PAPPA: variants seen among roughly 807,000 people sequenced by gnomAD.
The protein encoded by PAPPA is pappalysin-1.
A neutral mutation model predicts 164.0 loss-of-function variants in PAPPA; 60 were observed. The observed-to-expected ratio is 0.37, with a 90% confidence interval of 0.30 to 0.45. PAPPA has a LOEUF of 0.45. Among genes scored for constraint, PAPPA ranks in the 20% least tolerant of loss-of-function variants. The pLI, the probability that PAPPA is intolerant of heterozygous loss-of-function variation, is 1.00. For missense variants in PAPPA, 1,782 were observed against 2,087.3 expected, an observed-to-expected ratio of 0.85 and a Z score of 2.85; for synonymous variants, 875 against 814.1, an observed-to-expected ratio of 1.07 and a Z score of -1.27.
At chr9:116,234,642 G>A (rs1408066770) in intron 6 of PAPPA, among the ~76,000 whole-genome samples, 1 of 152,148 alleles carries the variant, frequency 6.6e-6, no homozygotes, top group Non-Finnish European at 1.5e-5. Context: ...GAACAGCAAA[G>A]AATACAGATT....
Position 116,377,078 on chromosome 9 carries a change from G to A in PAPPA, c.4606-498G>A, listed in dbSNP as rs547444848. ...TGCCGTTAATTAAACACACTCCCAC[G>A]GCAATGCTGATGAAAGTGGTCTTCA... On this transcript the variant is annotated intron_variant, in intron 19 of 21. Coordinates refer to ENST00000328252, the MANE Select transcript of PAPPA (RefSeq NM_002581.5). Among the ~76,000 whole-genome samples the A allele has an allele frequency of 1.7e-4, 26 of 152,126 alleles. 1 individual carries two copies. The highest frequency in any genetic ancestry group is 6.8e-3 in the Middle Eastern group (2 of 294).
chr9:116,231,327 T>C (rs973717518), intron 6 of PAPPA, among the ~76,000 whole-genome samples: 7 of 152,060 alleles, frequency 4.6e-5, no homozygotes, highest in African/African-American at 1.4e-4. Flanking sequence ...CCTTCCACCT[T>C]TCCTCCTCCC....
chr9:116,230,102 C>T (rs756624), intron 6 of PAPPA, among the ~76,000 whole-genome samples: 75,736 of 151,950 alleles, frequency 0.5, 19,994 homozygotes, highest in Non-Finnish European at 0.6. Context: ...TGAGCCAATT[C>T]GGAGCTCCAA....
rs2118962247 is a variant in PAPPA at position 116,154,298 on chromosome 9, C to A, written c.126C>A (p.Ala42=). 1 of 955,040 alleles carries A rather than the reference C, an allele frequency of 1.0e-6. No homozygotes were observed. The highest frequency in any genetic ancestry group is 1.8e-5 in the African/African-American group (1 of 56,070). The allele number at this position is 955,040 out of a possible 1,614,324, so 59.2% of individuals were successfully genotyped here. The change falls in exon 1 of 22, where the codon GCC becomes GCA. Residue 42 remains alanine (A), a synonymous_variant. Transcript: ENST00000328252. The surrounding 1 kb of genome is among the most constrained non-coding windows in gnomAD (Gnocchi z 5.2). Reference sequence around the variant, plus strand: ...CCGGCCGACCCCCGCGCCCCGCCGCCGGCCCGGCCACCTGCGCCACCCGGG... The same window carrying A: ...CCGGCCGACCCCCGCGCCCCGCCGCAGGCCCGGCCACCTGCGCCACCCGGG... ...PRAGRPPRPA[A]GPATCATRAA... is the part of the protein sequence containing the mutation.
At chr9:116,283,306 G>A (rs188297966) in intron 9 of PAPPA, among the ~76,000 whole-genome samples, 85 of 152,304 alleles carry the variant, frequency 5.6e-4, no homozygotes, top group African/African-American at 1.9e-3. Flanking sequence ...GCAGTGGAAA[G>A]CCTCTGGTGC....
chr9:116,288,232 A>C (rs1216741347), intron 9 of PAPPA, among the ~76,000 whole-genome samples: 1 of 152,064 alleles, frequency 6.6e-6, no homozygotes, highest in African/African-American at 2.4e-5. Context: ...AGCCGAGTGT[A>C]GTGGTCCGTG....
At chr9:116,251,015 A>G (rs1161353566) in intron 7 of PAPPA, among the ~76,000 whole-genome samples, 1 of 152,166 alleles carries the variant, frequency 6.6e-6, no homozygotes, top group African/African-American at 2.4e-5. Context: ...AGGAAATGAG[A>G]GAACACATTT....
rs779699153 is a variant in PAPPA at position 116,211,834 on chromosome 9, C to G, written c.1820C>G (p.Pro607Arg). 8 of 1,614,128 alleles carry G rather than the reference C, an allele frequency of 5.0e-6. No homozygotes were observed. The highest frequency in any genetic ancestry group is 5.9e-6 in the Non-Finnish European group (7 of 1,179,984). The change falls in exon 4 of 22, where the codon CCT becomes CGT. Residue 607 changes from proline to arginine, a missense_variant. Pro to Arg is a moderately radical substitution (Grantham distance 103, BLOSUM62 -2). This residue lies in a region of PAPPA where 1,324 missense variants were observed against 1,656.9 expected (regional missense o/e 0.80). Transcript: ENST00000328252. Reference protein sequence around the residue: ...GDLCNDTNPAPKHKSCGDPGP... With the variant: ...GDLCNDTNPARKHKSCGDPGP... ...CTCTGCAATGATACCAACCCAGCCC[C>G]TAAACACAAGTCCTGTGGTGACCCA...
chr9:116,211,898 C>T lies in PAPPA; in HGVS notation c.1884C>T (p.Phe628=). 1.2e-6 allele frequency: 2 copies of T among 1,614,086 alleles called. No homozygotes were observed. The highest frequency in any genetic ancestry group is 1.3e-5 in the African/African-American group (1 of 75,032). The change falls in exon 4 of 22, where the codon TTC becomes TTT. Residue 628 remains phenylalanine (F), a synonymous_variant. Transcript: ENST00000328252. ...GNDTCGFHSF[F]NTPYNNFMSY... is the part of the protein sequence containing the mutation. ...ACACCTGTGGCTTTCATAGCTTCTT[C>T]AACACTCCTTACAACAACTTCATGA...
intron 5 of PAPPA, among the ~76,000 whole-genome samples, chr9:116,225,685 G>A (rs1057175975): frequency 1.3e-5 from 2 of 152,070 alleles, no homozygotes; most frequent in Admixed American, 6.5e-5. Flanking sequence ...TAGTGTGCTT[G>A]CAAAATTTCC....
At chr9:116,258,769 A>T (rs1029477068) in intron 7 of PAPPA, among the ~76,000 whole-genome samples, 2 of 152,248 alleles carry the variant, frequency 1.3e-5, no homozygotes, top group Non-Finnish European at 2.9e-5. Context: ...AAAGAGATTA[A>T]CTAGTGCTGG....
chr9:116,188,316 T>A, intron 2 of PAPPA, 100 bp downstream of exon 2: 2 of 857,684 alleles, frequency 2.3e-6, no homozygotes, highest in South Asian at 3.7e-5. Flanking sequence ...ATATGGGGAT[T>A]TTCTGGTTCA....
chr9:116,309,358 G>A (rs1845686816), intron 10 of PAPPA, among the ~76,000 whole-genome samples: 1 of 152,250 alleles, frequency 6.6e-6, no homozygotes, highest in South Asian at 2.1e-4. Flanking sequence ...TTACAGGTGT[G>A]ACCCACTGCG....
chr9:116,194,533 C>G (rs533299933), intron 2 of PAPPA, among the ~76,000 whole-genome samples: 6 of 152,174 alleles, frequency 3.9e-5, no homozygotes, highest in Non-Finnish European at 8.8e-5. Context: ...AAAAATTATG[C>G]GTGCTAGAGA....
intron 19 of PAPPA, 82 bp from the exon 20 acceptor site, chr9:116,377,494 G>C: frequency 1.1e-6 from 1 of 937,318 alleles, no homozygotes; most frequent in Non-Finnish European, 1.7e-6. Context: ...GAAGAGGTGA[G>C]GTGGTTAAAT....
chr9:116,186,737 C>T (rs1843975339), intron 1 of PAPPA, among the ~76,000 whole-genome samples: 1 of 152,024 alleles, frequency 6.6e-6, no homozygotes, highest in Non-Finnish European at 1.5e-5. Context: ...CTTAAAATAC[C>T]CTCTTAATTA....
At chr9:116,241,337 A>T (rs1042676731) in intron 7 of PAPPA, among the ~76,000 whole-genome samples, 15 of 152,328 alleles carry the variant, frequency 9.8e-5, no homozygotes, top group East Asian at 1.9e-4. Context: ...GCATGTTATT[A>T]TATAATATCC....
intron 8 of PAPPA, among the ~76,000 whole-genome samples, chr9:116,268,378 T>G (rs10817868): frequency 0.14 from 20,937 of 152,238 alleles, 2,015 homozygotes; most frequent in Admixed American, 0.26. Flanking sequence ...TGCTGTCTGA[T>G]GGAACATTGA....
rs1215879862 is a variant in PAPPA, at chr9:116,211,816, A to G, written c.1802A>G (p.Asn601Ser). The G allele has an allele frequency of 1.2e-6, 2 of 1,613,994 alleles. No individual in the cohort carries two copies. The highest frequency in any genetic ancestry group is 4.5e-5 in the East Asian group (2 of 44,884). ...EPSFETGDLCNDTNPAPKHKS... is the reference protein window; with the variant it reads ...EPSFETGDLCSDTNPAPKHKS... ...TCCTTCGAGACTGGAGACCTCTGCA[A>G]TGATACCAACCCAGCCCCTAAACAC... The change falls in exon 4 of 22, where the codon AAT (asparagine) becomes AGT (serine). Residue 601 changes from asparagine (N) to serine (S), a missense_variant. Physicochemically the swap from Asn to Ser is conservative, Grantham distance 46. Coordinates refer to ENST00000328252, the MANE Select transcript of PAPPA (RefSeq NM_002581.5).
Sources: gnomAD v4.1 joint callset for allele counts (sites outside exome capture counted in the v4.1 genomes callset) on GRCh38, gnomAD v4.1.1 for gene constraint, gnomAD v4.1.1 regional missense constraint, Gnocchi (gnomAD v3.1) non-coding constraint, MANE v1.5 for transcripts, NCBI Gene and HGNC (gene_info 2026-07-23, HGNC 2026-07-21) for gene names.